Variants in DISC1 observed in about 807,000 individuals in gnomAD.
DISC1 encodes disrupted in schizophrenia 1 protein.
Under a neutral mutation model 84.5 loss-of-function variants are expected in DISC1, and 57 were observed. The ratio of observed to expected loss-of-function variants is 0.67; its 90% CI spans 0.55 to 0.84. DISC1 has a LOEUF of 0.84. Ranked by LOEUF, DISC1 falls within the 40% of genes least tolerant of loss-of-function variation. The pLI is 0.00. For missense variants in DISC1, 1,000 were observed against 1,057.8 expected, an observed-to-expected ratio of 0.95 and a Z score of 0.76; for synonymous variants, 411 against 415.2, an observed-to-expected ratio of 0.99 and a Z score of 0.12.
intron 8 of DISC1, among the ~76,000 whole-genome samples, chr1:231,807,623 C>T (rs1004407227): frequency 2.0e-5 from 3 of 152,178 alleles, no homozygotes; most frequent in Admixed American, 6.5e-5. Flanking sequence ...TTTTAAGCCC[C>T]GGTCCTCCTT....
rs1185904521 is a variant in DISC1, at chr1:231,897,942, G to A, written c.1982-60886G>A. Among the ~76,000 whole-genome samples, 1 of 152,080 alleles carries A rather than the reference G, an allele frequency of 6.6e-6. No individual in the cohort carries two copies. The highest frequency in any genetic ancestry group is 2.4e-5 in the African/African-American group (1 of 41,388). ...AGGTGGCCCTCGATTAAATATATAC[G>A]AGCAAGTATTTATTGAATCTCATTT... On this transcript the variant is annotated intron_variant, in intron 9 of 12. Transcript: ENST00000439617. The surrounding 1 kb of genome is among the most constrained non-coding windows in gnomAD (Gnocchi z 4.5).
At position 231,749,939 on chromosome 1, in the gene DISC1, A is replaced by G; in HGVS notation, c.1131A>G (p.Gln377=). ...NDDYDKAETL[Q]QRLEDLEQEK... ...TTGGGTTTCCAGCTGAGACGTTACA[A>G]CAAAGATTAGAAGACCTGGAACAAG... The change falls in exon 4 of 13, where the codon CAA becomes CAG. Residue 377 remains glutamine, a synonymous_variant. Transcript: ENST00000439617. The G allele has an allele frequency of 1.2e-6, 2 of 1,614,220 alleles. No individual in the cohort carries two copies. Among genetic ancestry groups the G allele is most frequent in the Non-Finnish European group, 1.7e-6 (2 of 1,180,030 alleles).
rs201361294 is a variant in DISC1 at position 231,742,898 on chromosome 1, G to GA, written c.1118-7019dup. Among the ~76,000 whole-genome samples the GA allele has an allele frequency of 3.5e-4, 52 of 150,596 alleles. No homozygotes were observed. In the East Asian group the frequency reaches 9.1e-3, roughly 26 times the overall value. ...CAGAGCAACACTTTGTCTTAAAAAA[G>GA]AAAAAAAAAGAGAGAAAGTAGTAGC... On this transcript the variant is annotated intron_variant, in intron 3 of 12. Coordinates refer to ENST00000439617, the MANE Select transcript of DISC1 (RefSeq NM_018662.3).
At chr1:231,658,890 T>C (rs1004537019) in intron 1 of DISC1, among the ~76,000 whole-genome samples, 1 of 152,186 alleles carries the variant, frequency 6.6e-6, no homozygotes, top group African/African-American at 2.4e-5. Flanking sequence ...CAGTATTTTA[T>C]TGAAGGTTTT....
chr1:231,849,103 A>G (rs12090070), intron 9 of DISC1, among the ~76,000 whole-genome samples: 132,373 of 150,960 alleles, frequency 0.88, 58,135 homozygotes, highest in East Asian at 0.99. Flanking sequence ...CAATCCTGCA[A>G]GGTGGAATTA....
At chr1:231,915,279 G>C (rs2089533830) in intron 9 of DISC1, among the ~76,000 whole-genome samples, 1 of 152,012 alleles carries the variant, frequency 6.6e-6, no homozygotes, top group Non-Finnish European at 1.5e-5. Context: ...TCTACTTCCT[G>C]TGTGGCTTCA....
intron 6 of DISC1, among the ~76,000 whole-genome samples, chr1:231,772,248 A>T (rs1171469094): frequency 6.6e-6 from 1 of 152,036 alleles, no homozygotes; most frequent in Non-Finnish European, 1.5e-5. Context: ...TAGCCATTGC[A>T]CCCAATCTTT....
chr1:231,742,991 G>A (rs202126897), intron 3 of DISC1, among the ~76,000 whole-genome samples: 4 of 152,192 alleles, frequency 2.6e-5, no homozygotes, highest in East Asian at 1.9e-4. Flanking sequence ...TATTTTCTGC[G>A]ATAACTTATA....
chr1:231,842,944 T>C (rs2083179931), intron 9 of DISC1, among the ~76,000 whole-genome samples: 1 of 152,108 alleles, frequency 6.6e-6, no homozygotes. Context: ...TGTCCTTGCT[T>C]TCAACTAATT....
intron 10 of DISC1, among the ~76,000 whole-genome samples, chr1:231,968,198 C>T (rs755918109): frequency 6.6e-6 from 1 of 152,102 alleles, no homozygotes; most frequent in Non-Finnish European, 1.5e-5. Context: ...ATTTAGTTTC[C>T]AGAGTACTCA....
At chr1:231,949,649 C>T (rs533637268) in intron 9 of DISC1, among the ~76,000 whole-genome samples, 6 of 152,214 alleles carry the variant, frequency 3.9e-5, no homozygotes, top group African/African-American at 9.6e-5. Flanking sequence ...CTTACGGGGG[C>T]GCCATCCTTG....
At chr1:231,885,879 T>C (rs114351172) in intron 9 of DISC1, among the ~76,000 whole-genome samples, 1,936 of 152,312 alleles carry the variant, frequency 0.013, 34 homozygotes, top group Non-Finnish European at 0.019. Context: ...CTAGTCTCTG[T>C]CTTTGTTTTC....
chr1:231,993,438 C>T (rs974896579), intron 10 of DISC1, among the ~76,000 whole-genome samples: 2 of 151,424 alleles, frequency 1.3e-5, no homozygotes, highest in Non-Finnish European at 2.9e-5. Context: ...TTGTAGTTTT[C>T]CTGGAGTAAA....
At chr1:232,030,864 G>A (rs1383116090) in intron 12 of DISC1, among the ~76,000 whole-genome samples, 1 of 152,060 alleles carries the variant, frequency 6.6e-6, no homozygotes, top group Non-Finnish European at 1.5e-5. Flanking sequence ...CTTAATCCCG[G>A]CACTTTGGGA....
intron 9 of DISC1, among the ~76,000 whole-genome samples, chr1:231,851,773 A>G (rs2083917014): frequency 6.6e-6 from 1 of 152,190 alleles, no homozygotes; most frequent in African/African-American, 2.4e-5. Flanking sequence ...TGCGGCACTC[A>G]TGGGCCGGCG....
Position 231,626,897 on chromosome 1 carries a change from A to AGCC in DISC1, c.38_40dup (p.Ala13dup). ...CAGGCGGGGGTCCTCAGGGCGCCCC[A>AGCC]GCCGCCGCCGGCGGCGGCGGCGTGA... On this transcript the variant is annotated inframe_insertion, in exon 1 of 13. Transcript: ENST00000439617. The AGCC allele has an allele frequency of 6.7e-7, 1 of 1,501,822 alleles. No homozygotes were observed. Among genetic ancestry groups the AGCC allele is most frequent in the East Asian group, 2.6e-5 (1 of 38,040 alleles). The allele number at this position is 1,501,822 out of a possible 1,614,324, so 93.0% of individuals were successfully genotyped here. A position where few individuals can be genotyped will look rare whatever the true frequency, so the allele number is the denominator to read the frequency against.
chr1:231,953,644 G>A lies in DISC1; in HGVS notation c.1982-5184G>A, dbSNP rs558222674. On this transcript the variant is annotated intron_variant, in intron 9 of 12. Transcript: ENST00000439617. ...AGTGGGAGTTAATTTTATCTAAATT[G>A]ATTCTTGAATATTGATCTTTGAAAT... is the stretch of plus-strand genomic sequence containing the variant. 7.2e-5 allele frequency among the ~76,000 whole-genome samples: 11 copies of A among 152,236 alleles called. No individual in the cohort carries two copies. In the South Asian group the frequency reaches 2.3e-3, roughly 32 times the overall value.
intron 8 of DISC1, among the ~76,000 whole-genome samples, chr1:231,816,972 T>A (rs2081067720): frequency 6.6e-6 from 1 of 151,952 alleles, no homozygotes; most frequent in Non-Finnish European, 1.5e-5. Flanking sequence ...TTCTTCTTTC[T>A]CCCTCTCCTT....
chr1:231,865,364 G>A (rs2084976820), intron 9 of DISC1, among the ~76,000 whole-genome samples: 1 of 152,212 alleles, frequency 6.6e-6, no homozygotes, highest in Admixed American at 6.5e-5. Context: ...GTGTTACACT[G>A]GTTTGTTTAT....
Sources: gnomAD v4.1 joint callset for allele counts (sites outside exome capture counted in the v4.1 genomes callset) on GRCh38, gnomAD v4.1.1 for gene constraint, Gnocchi (gnomAD v3.1) non-coding constraint, MANE v1.5 for transcripts, NCBI Gene and HGNC (gene_info 2026-07-23, HGNC 2026-07-21) for gene names.